The following TESPA1 variants were observed in gnomAD, a reference collection of about 807,000 sequenced individuals.
TESPA1 encodes protein TESPA1.
In TESPA1, 33 loss-of-function variants were observed where a neutral mutation model predicts 57.9. The observed-to-expected ratio is 0.57, with a 90% CI of 0.43 to 0.76. The LOEUF is 0.76. Ranked by LOEUF, TESPA1 falls within the 30% of genes least tolerant of loss-of-function variation. The pLI is 0.00. For synonymous variants in TESPA1, 227 were observed against 228.9 expected, an observed-to-expected ratio of 0.99 and a Z score of 0.07; for missense variants, 618 against 632.9, an observed-to-expected ratio of 0.98 and a Z score of 0.25.
chr12:54,960,139 T>C (rs1286760670), intron 10 of TESPA1, among the ~76,000 whole-genome samples: 1 of 152,212 alleles, frequency 6.6e-6, no homozygotes, highest in African/African-American at 2.4e-5. Context: ...AAGCAAGATT[T>C]ATTTACTTAA....
At chr12:54,958,376 T>C (rs1389058825) in intron 10 of TESPA1, among the ~76,000 whole-genome samples, 1 of 152,234 alleles carries the variant, frequency 6.6e-6, no homozygotes, top group Non-Finnish European at 1.5e-5. Flanking sequence ...GTAATTCTTA[T>C]CTTTGTTTTT....
At position 54,964,092 on chromosome 12, in the gene TESPA1, A is replaced by G. The variant is rs1310704016; in HGVS notation, c.447-142T>C. The G allele has an allele frequency of 8.2e-6, 7 of 851,498 alleles. No individual in the cohort carries two copies. The South Asian group carries it at 9.1e-5, about 11-fold the overall frequency. The allele number at this position is 851,498 out of a possible 1,614,324, so 52.7% of individuals were successfully genotyped here. ...TACTTTTCACTGTGACTTTGAGAAA[A>G]GCTTTCACTTCTCTGAACCTAAATT... is the stretch of plus-strand genomic sequence containing the variant. On this transcript the variant is annotated intron_variant, in intron 7 of 10. Transcript: ENST00000449076.
Position 54,950,065 on chromosome 12 carries a change from C to T in TESPA1, c.*327G>A, listed in dbSNP as rs1054828453. The T allele has an allele frequency of 3.2e-5, 7 of 215,614 alleles. No homozygotes were observed. Among genetic ancestry groups the T allele is most frequent in the South Asian group, 1.3e-4 (2 of 15,170 alleles). 13.4% of individuals were successfully genotyped at this position (215,614 alleles called of 1,614,324 possible). A position where few individuals can be genotyped will look rare whatever the true frequency, so the allele number is the denominator to read the frequency against. ...GTCAAAGCTTGGGAGAAAATTAAGG[C>T]TTTGTTCAGTTTACTATCATCCACA... On this transcript the variant is annotated 3_prime_UTR_variant, in exon 11 of 11. Transcript: ENST00000449076.
At chr12:54,973,585 A>C in intron 2 of TESPA1, 66 bp from the exon 3 acceptor site, 1 of 1,612,460 alleles carries the variant, frequency 6.2e-7, no homozygotes, top group Non-Finnish European at 8.5e-7. Flanking sequence ...CCTGCAACTA[A>C]TTCCATTCCA....
chr12:54,963,672 G>A, intron 8 of TESPA1, 70 bp downstream of exon 8: 1 of 1,502,656 alleles, frequency 6.7e-7, no homozygotes. Flanking sequence ...AGGATTTGAA[G>A]CCACTGAGCC....
At position 54,974,388 on chromosome 12, in the gene TESPA1, T is replaced by A. The variant is rs1384165402; in HGVS notation, c.163+12A>T. On this transcript the variant is annotated intron_variant, in intron 2 of 10. Coordinates refer to ENST00000449076, the MANE Select transcript of TESPA1 (RefSeq NM_001136030.3). ...AGACAACATAGACGCCTGTCTGATG[T>A]TCGTCTCTTACCTTCTTGGAAAACG... 3.8e-6 allele frequency: 6 copies of A among 1,589,318 alleles called. No homozygotes were observed. In the East Asian group the frequency reaches 1.1e-4, roughly 30 times the overall value.
rs1428010839 is a variant in TESPA1, at chr12:54,963,763, C to G, written c.634G>C (p.Asp212His). The G allele has an allele frequency of 6.2e-7, 1 of 1,613,180 alleles. No individual in the cohort carries two copies. The highest frequency in any genetic ancestry group is 1.7e-5 in the Admixed American group (1 of 60,008). Residue 212 changes from aspartate to histidine, a missense_variant, in exon 8 of 11, where the codon GAC becomes CAC. Around this residue, in one of 3 missense-constraint regions of TESPA1, gnomAD observed 409 missense variants for 420.1 expected, o/e 0.97. Transcript: ENST00000449076. ...TCACTGGCCAGCATGAGGCAGGGGT[C>G]TTCCATTTCAATCCTCCGCACCTGG... ...KSQVRRIEME[D>H]PCLMLASRFK...
At chr12:54,964,026 A>G (rs960097870) in intron 7 of TESPA1, 76 bp from the exon 8 acceptor site, 1 of 1,427,904 alleles carries the variant, frequency 7.0e-7, no homozygotes, top group Non-Finnish European at 9.7e-7. Flanking sequence ...AATATCTAAT[A>G]AAAGTGTCAG....
intron 5 of TESPA1, among the ~76,000 whole-genome samples, chr12:54,966,862 G>A (rs1407435395): frequency 6.6e-6 from 1 of 152,062 alleles, no homozygotes; most frequent in Non-Finnish European, 1.5e-5. Context: ...GACTTGTTTG[G>A]AGTTTCTGTA....
chr12:54,971,695 G>A (rs7312737), intron 3 of TESPA1, among the ~76,000 whole-genome samples: 55,545 of 151,414 alleles, frequency 0.37, 13,062 homozygotes, highest in East Asian at 0.92. Context: ...TATTTGCTTC[G>A]GAAAAAATAA....
At chr12:54,958,028 G>T (rs1004138865) in intron 10 of TESPA1, among the ~76,000 whole-genome samples, 8 of 152,278 alleles carry the variant, frequency 5.3e-5, no homozygotes, top group African/African-American at 1.9e-4. Context: ...AATCTAGTTA[G>T]GTACTTGAAA....
At chr12:54,979,752 G>A (rs190544663) in intron 1 of TESPA1, among the ~76,000 whole-genome samples, 111 of 152,222 alleles carry the variant, frequency 7.3e-4, no homozygotes, top group African/African-American at 2.4e-3. Context: ...CTGTAGCAGC[G>A]GCAGAAAACC....
intron 1 of TESPA1, among the ~76,000 whole-genome samples, chr12:54,980,966 C>A (rs939164581): frequency 6.6e-6 from 1 of 152,092 alleles, no homozygotes; most frequent in African/African-American, 2.4e-5. Flanking sequence ...TCTTCTTTTT[C>A]TTTTTCTTTT....
At position 54,962,646 on chromosome 12, in the gene TESPA1, C is replaced by T; in HGVS notation, c.1252G>A (p.Ala418Thr). Residue 418 changes from alanine to threonine, a missense_variant, in exon 9 of 11, where the codon GCC (alanine) becomes ACC (threonine). By Grantham distance (58) the Ala-to-Thr change is moderately conservative. This residue lies in a region of TESPA1 where 409 missense variants were observed against 420.1 expected (regional missense o/e 0.97). Coordinates refer to ENST00000449076, the MANE Select transcript of TESPA1 (RefSeq NM_001136030.3). ...QIRRELCSLP[A>T]TNTETHPAKD... Reference sequence around the variant, plus strand: ...GCTGGATGGGTTTCCGTATTGGTGGCTGGTAGACTACACAGCTCTCTCCTT... The same window carrying T: ...GCTGGATGGGTTTCCGTATTGGTGGTTGGTAGACTACACAGCTCTCTCCTT... 6.2e-7 allele frequency: 1 copy of T among 1,613,936 alleles called. No homozygotes were observed. Among genetic ancestry groups the T allele is most frequent in the Non-Finnish European group, 8.5e-7 (1 of 1,179,902 alleles).
rs553954101 is a variant in TESPA1, at chr12:54,952,223, CT to C, written c.*2-1834del. On this transcript the variant is annotated intron_variant, in intron 10 of 10. Transcript: ENST00000449076. The stretch of plus-strand genomic sequence containing the variant: ...CATGTTATGATGCAGAAAGGAGGCC[CT>C]CACCGGATGTGGTCCCTCAACCTTG... Among the ~76,000 whole-genome samples, 649 of 152,312 alleles carry C rather than the reference CT, an allele frequency of 4.3e-3. 4 individuals are homozygous for C. Among genetic ancestry groups the C allele is most frequent in the Non-Finnish European group, 6.4e-3 (433 of 68,030 alleles).
At chr12:54,971,798 C>A (rs1447492654) in intron 3 of TESPA1, among the ~76,000 whole-genome samples, 1 of 152,076 alleles carries the variant, frequency 6.6e-6, no homozygotes, top group Non-Finnish European at 1.5e-5. Context: ...TCTTTTCCTT[C>A]TTCCAGGTAA....
intron 8 of TESPA1, 85 bp downstream of exon 8, chr12:54,963,657 A>G: frequency 7.0e-7 from 1 of 1,428,534 alleles, no homozygotes; most frequent in South Asian, 1.3e-5. Context: ...TAACCAAGAG[A>G]AAGCAGGATT....
chr12:54,980,359 A>T (rs1952268142), intron 1 of TESPA1, among the ~76,000 whole-genome samples: 2 of 152,352 alleles, frequency 1.3e-5, no homozygotes, highest in African/African-American at 4.8e-5. Flanking sequence ...AGCCTTCCTC[A>T]GGCTTACAGA....
At chr12:54,981,144 T>G (rs1470126944) in intron 1 of TESPA1, among the ~76,000 whole-genome samples, 1 of 152,110 alleles carries the variant, frequency 6.6e-6, no homozygotes, top group East Asian at 1.9e-4. Context: ...GATTGGCAGT[T>G]GTAATCAGGT....
Sources: gnomAD v4.1 joint callset for allele counts (sites outside exome capture counted in the v4.1 genomes callset) on GRCh38, gnomAD v4.1.1 for gene constraint, gnomAD v4.1.1 regional missense constraint, MANE v1.5 for transcripts, NCBI Gene and HGNC (gene_info 2026-07-23, HGNC 2026-07-21) for gene names.